NALCN: variants seen among roughly 807,000 people sequenced by gnomAD.
NALCN encodes the protein sodium leak channel NALCN.
In NALCN, 111 loss-of-function variants were observed where a neutral mutation model predicts 225.3. That is an observed-to-expected ratio of 0.49 (90% CI 0.42 to 0.58). The LOEUF (loss-of-function observed/expected upper bound fraction) is 0.58. Among genes scored for constraint, NALCN ranks in the 20% least tolerant of loss-of-function variants. The pLI is 0.00. For missense variants in NALCN, 1,378 were observed against 2,202.4 expected, an observed-to-expected ratio of 0.63 and a Z score of 7.49; for synonymous variants, 764 against 769.0, an observed-to-expected ratio of 0.99 and a Z score of 0.11.
chr13:101,106,209 C>T (rs1487015506), intron 22 of NALCN, among the ~76,000 whole-genome samples: 1 of 152,002 alleles, frequency 6.6e-6, no homozygotes. Context: ...CTTAAGGAAA[C>T]CAATCATATT....
chr13:101,283,558 T>C (rs999846891), intron 10 of NALCN, among the ~76,000 whole-genome samples: 1 of 152,164 alleles, frequency 6.6e-6, no homozygotes, highest in Non-Finnish European at 1.5e-5. Context: ...ACAGAGAGAC[T>C]ATGTATTAAC....
intron 10 of NALCN, among the ~76,000 whole-genome samples, chr13:101,277,132 GT>G (rs1409926040): frequency 1.3e-5 from 2 of 151,940 alleles, no homozygotes; most frequent in Non-Finnish European, 2.9e-5. Context: ...AGAAGCATTG[GT>G]TACTTCATGT....
intron 7 of NALCN, among the ~76,000 whole-genome samples, chr13:101,321,265 C>A (rs552237165): frequency 5.3e-5 from 8 of 152,014 alleles, no homozygotes; most frequent in African/African-American, 1.7e-4. Flanking sequence ...GACACACACA[C>A]AAGTCCAGAA....
chr13:101,107,906 T>C (rs2139633587), intron 20 of NALCN, 117 bp from the exon 21 acceptor site: 1 of 433,062 alleles, frequency 2.3e-6, no homozygotes, highest in Admixed American at 4.3e-5. Flanking sequence ...AAATATTAAT[T>C]ACATATATTT....
At chr13:101,112,767 GAATATGAT>G (rs2035512201) in intron 18 of NALCN, among the ~76,000 whole-genome samples, 1 of 152,110 alleles carries the variant, frequency 6.6e-6, no homozygotes, top group Non-Finnish European at 1.5e-5. Flanking sequence ...GAATGGCTTT[GAATATGAT>G]TACCATCTGT....
intron 22 of NALCN, among the ~76,000 whole-genome samples, chr13:101,106,143 T>TC (rs2035085415): frequency 6.6e-6 from 1 of 152,152 alleles, no homozygotes; most frequent in Admixed American, 6.5e-5. Flanking sequence ...AGCCGTCTTC[T>TC]CCCTACGTGT....
At chr13:101,224,816 C>T (rs2041075570) in intron 13 of NALCN, among the ~76,000 whole-genome samples, 2 of 152,124 alleles carry the variant, frequency 1.3e-5, no homozygotes, top group African/African-American at 4.8e-5. Flanking sequence ...TAACTACACA[C>T]ACCCCCCTTT....
chr13:101,211,799 C>G (rs2040535909), intron 13 of NALCN, among the ~76,000 whole-genome samples: 1 of 151,740 alleles, frequency 6.6e-6, no homozygotes, highest in South Asian at 2.1e-4. Context: ...AGATTTGACA[C>G]AGTAACAGCC....
intron 28 of NALCN, 116 bp downstream of exon 28, chr13:101,095,458 A>C: frequency 1.3e-6 from 1 of 785,236 alleles, no homozygotes; most frequent in East Asian, 2.7e-5. Context: ...ATGACTTAAG[A>C]TCATTTTAAC....
intron 20 of NALCN, among the ~76,000 whole-genome samples, chr13:101,109,150 G>A (rs2035296463): frequency 6.6e-6 from 1 of 152,150 alleles, no homozygotes; most frequent in Non-Finnish European, 1.5e-5. Context: ...TTTGAATGAG[G>A]GTTGCCTCTT....
chr13:101,092,414 G>T (rs567812079), intron 28 of NALCN, among the ~76,000 whole-genome samples: 1 of 152,158 alleles, frequency 6.6e-6, no homozygotes, highest in East Asian at 1.9e-4. Flanking sequence ...CAGAAACGTC[G>T]TACTTCCTAC....
chr13:101,199,812 T>C (rs976455472), intron 13 of NALCN, among the ~76,000 whole-genome samples: 15 of 151,768 alleles, frequency 9.9e-5, no homozygotes, highest in Non-Finnish European at 1.9e-4. Context: ...TATATATATA[T>C]AGAAATGTCA....
chr13:101,278,393 C>G (rs2043032553), intron 10 of NALCN, among the ~76,000 whole-genome samples: 1 of 151,768 alleles, frequency 6.6e-6, no homozygotes, highest in African/African-American at 2.4e-5. Flanking sequence ...CGTGGTGGCG[C>G]ATGCCTGTAG....
In NALCN at chr13:101,292,793, T is replaced by G. The variant is rs1419994941; in HGVS notation, c.800-427A>C. 1.3e-5 allele frequency among the ~76,000 whole-genome samples: 2 copies of G among 152,232 alleles called. No homozygotes were observed. The highest frequency in any genetic ancestry group is 2.9e-5 in the Non-Finnish European group (2 of 68,038). ...ATGAAATAAATGGGAGAACTGAGTT[T>G]CATTTGAAATCACTTTCTCACAGGG... is the stretch of plus-strand genomic sequence containing the variant. On this transcript the variant is annotated intron_variant, in intron 7 of 43. Transcript: ENST00000251127. This position sits in a 1 kb window ranked among gnomAD's most constrained non-coding sequence, Gnocchi z 4.3.
At chr13:101,303,862 G>A (rs1385015042) in intron 7 of NALCN, among the ~76,000 whole-genome samples, 2 of 152,168 alleles carry the variant, frequency 1.3e-5, no homozygotes, top group African/African-American at 4.8e-5. Flanking sequence ...TGCTGTGGCT[G>A]ATGGAGTAAT....
At chr13:101,315,853 GT>G (rs149078035) in intron 7 of NALCN, among the ~76,000 whole-genome samples, 6,746 of 146,726 alleles carry the variant, frequency 0.046, 209 homozygotes, top group Middle Eastern at 0.077. Context: ...TTCAGAGTTG[GT>G]AAGACTTGAC....
chr13:101,185,930 C>G (rs111483476), intron 14 of NALCN, among the ~76,000 whole-genome samples: 1 of 152,178 alleles, frequency 6.6e-6, no homozygotes, highest in South Asian at 2.1e-4. Flanking sequence ...GGTTAAAATG[C>G]GTTGTAGCAT....
At chr13:101,387,649 GA>G (rs1353355924) in intron 3 of NALCN, among the ~76,000 whole-genome samples, 1 of 152,138 alleles carries the variant, frequency 6.6e-6, no homozygotes, top group Non-Finnish European at 1.5e-5. Context: ...GAAAAAGTAT[GA>G]AAAATGATGA....
Position 101,194,261 on chromosome 13 carries a change from G to A in NALCN, c.1627-2207C>T, listed in dbSNP as rs553247713. Among the ~76,000 whole-genome samples, 186 of 152,138 alleles carry A rather than the reference G, an allele frequency of 1.2e-3. 2 individuals are homozygous for A. Among genetic ancestry groups the A allele is most frequent in the African/African-American group, 4.2e-3 (176 of 41,494 alleles). On this transcript the variant is annotated intron_variant, in intron 13 of 43. Coordinates refer to ENST00000251127, the MANE Select transcript of NALCN (RefSeq NM_052867.4). ...CAGAGTCTCGGGAGAAAAAAAAATC[G>A]AATTTCCACACAGCTCAACCACCTG...
Sources: allele counts gnomAD v4.1 joint callset (sites outside exome capture counted in the v4.1 genomes callset), GRCh38; gene constraint gnomAD v4.1.1; non-coding constraint Gnocchi (gnomAD v3.1); transcripts MANE v1.5; gene names NCBI Gene and HGNC (gene_info 2026-07-23, HGNC 2026-07-21).